The following CELF2 variants were observed in gnomAD, a reference collection of about 807,000 sequenced individuals.
The protein encoded by CELF2 is CUG triplet repeat RNA-binding protein 2.
In CELF2, 8 loss-of-function variants were observed where a neutral mutation model predicts 62.6. The observed-to-expected ratio is 0.13, with a 90% CI of 0.07 to 0.23. The LOEUF (loss-of-function observed/expected upper bound fraction) is 0.23. Among genes scored for constraint, CELF2 ranks in the 10% least tolerant of loss-of-function variants. The probability of loss-of-function intolerance (pLI) is 1.00; values close to 1 mark genes in which losing one functional copy is unlikely to be tolerated. For synonymous variants in CELF2, 258 were observed against 250.0 expected (o/e 1.03, Z -0.30); for missense variants, 333 against 671.0 (o/e 0.50, Z 5.56).
chr10:10,826,750 T>C (rs1167831692), intron 1 of CELF2, among the ~76,000 whole-genome samples: 1 of 152,230 alleles, frequency 6.6e-6, no homozygotes, highest in Admixed American at 6.5e-5. Context: ...CCTTCAAAGA[T>C]AAAGAATGCT....
chr10:11,178,227 C>G lies in CELF2; in HGVS notation c.271+12545C>G, dbSNP rs1318846155. ...CAACCGGGCTGCTGAGTGTGATGCT[C>G]CCTTTGTGAAGTGGACATCTGTCTA... On this transcript the variant is annotated intron_variant, in intron 2 of 12. Coordinates refer to ENST00000633077, the MANE Select transcript of CELF2 (RefSeq NM_001326342.2). This position sits in a 1 kb window ranked among gnomAD's most constrained non-coding sequence, Gnocchi z 4.3. Among the ~76,000 whole-genome samples, 1 of 152,216 alleles carries G rather than the reference C, an allele frequency of 6.6e-6. No homozygotes were observed. The highest frequency in any genetic ancestry group is 1.5e-5 in the Non-Finnish European group (1 of 68,036).
rs1023383329 is a variant in CELF2, at chr10:11,268,883, CAATT to C, written c.619-1778_619-1775del. 7.9e-5 allele frequency among the ~76,000 whole-genome samples: 12 copies of C among 152,230 alleles called. No homozygotes were observed. The highest frequency in any genetic ancestry group is 2.2e-4 in the African/African-American group (9 of 41,558). On this transcript the variant is annotated intron_variant, in intron 6 of 12. Coordinates refer to ENST00000633077, the MANE Select transcript of CELF2 (RefSeq NM_001326342.2). The surrounding 1 kb of genome is among the most constrained non-coding windows in gnomAD (Gnocchi z 4.7). The stretch of plus-strand genomic sequence containing the variant: ...TGTTGAAAGAACAAGGTCTTAAAAA[CAATT>C]AATTTTATATCGTGCCTTCTGTTTC...
intron 1 of CELF2, among the ~76,000 whole-genome samples, chr10:11,040,978 T>C (rs1022734768): frequency 6.6e-6 from 1 of 152,206 alleles, no homozygotes; most frequent in Non-Finnish European, 1.5e-5. Context: ...CTAAATGCCA[T>C]AGACTGGACG....
upstream of CELF2, among the ~76,000 whole-genome samples, chr10:11,002,619 C>T (rs1564341807): frequency 6.6e-6 from 1 of 152,176 alleles, no homozygotes; most frequent in Non-Finnish European, 1.5e-5. This position sits in a 1 kb window ranked among gnomAD's most constrained non-coding sequence, Gnocchi z 4.4. Flanking sequence ...CCACTTCCTA[C>T]ACTTGAATTT....
intron 1 of CELF2, among the ~76,000 whole-genome samples, chr10:10,898,466 T>G (rs2062715349): frequency 2.0e-5 from 3 of 152,150 alleles, no homozygotes; most frequent in Admixed American, 2.0e-4. Context: ...TAAGCTGGAG[T>G]GGCTCTATTA....
chr10:10,866,432 C>T (rs2060367540), intron 1 of CELF2, among the ~76,000 whole-genome samples: 1 of 151,458 alleles, frequency 6.6e-6, no homozygotes, highest in South Asian at 2.1e-4. Flanking sequence ...ATGGTAAAAC[C>T]CATCTCTATT....
chr10:10,686,312 G>GC, the CELF2 span, among the ~76,000 whole-genome samples: 1 of 43,826 alleles, frequency 2.3e-5, no homozygotes, highest in Non-Finnish European at 4.2e-5. Context: ...GGATTTTTTG[G>GC]GGGGGGGGGT....
At chr10:10,649,420 G>A in the CELF2 span, among the ~76,000 whole-genome samples, 1 of 152,158 alleles carries the variant, frequency 6.6e-6, no homozygotes, top group Non-Finnish European at 1.5e-5. Flanking sequence ...CAGTATTACA[G>A]TACTCAAGTT....
At chr10:11,182,476 A>G (rs890905233) in intron 2 of CELF2, among the ~76,000 whole-genome samples, 2 of 152,218 alleles carry the variant, frequency 1.3e-5, no homozygotes, top group Non-Finnish European at 2.9e-5. Flanking sequence ...TTGTGATCCT[A>G]GAGCTTCCCT....
the CELF2 span, among the ~76,000 whole-genome samples, chr10:10,571,979 A>G: frequency 6.6e-6 from 1 of 152,132 alleles, no homozygotes; most frequent in Non-Finnish European, 1.5e-5. Context: ...AGGGAGGCAG[A>G]ACAGTCTGAT....
chr10:11,163,626 AT>A (rs2066251217), intron 1 of CELF2, among the ~76,000 whole-genome samples: 1 of 152,232 alleles, frequency 6.6e-6, no homozygotes, highest in Admixed American at 6.5e-5. Context: ...TCAGCAGAAC[AT>A]TTTTTATAAC....
At chr10:10,933,553 G>T (rs1263744141) in intron 2 of CELF2, among the ~76,000 whole-genome samples, 1 of 151,938 alleles carries the variant, frequency 6.6e-6, no homozygotes, top group Non-Finnish European at 1.5e-5. Flanking sequence ...AGTATCCAAC[G>T]GTAACTTTAT....
At chr10:10,908,848 C>T (rs1211657259) in intron 1 of CELF2, among the ~76,000 whole-genome samples, 1 of 152,162 alleles carries the variant, frequency 6.6e-6, no homozygotes, top group African/African-American at 2.4e-5. Context: ...AGTGCAGTGG[C>T]GCCATCTCGG....
At chr10:10,943,857 C>T (rs2047340206) in intron 2 of CELF2, among the ~76,000 whole-genome samples, 1 of 151,702 alleles carries the variant, frequency 6.6e-6, no homozygotes, top group Admixed American at 6.6e-5. Flanking sequence ...TTGCCTCAGC[C>T]TCCCTAAGTG....
rs977836331 is a variant in CELF2 at position 10,995,832 on chromosome 10, C to A, written c.89+75833C>A. Among the ~76,000 whole-genome samples the A allele has an allele frequency of 3.9e-5, 6 of 152,138 alleles. No homozygotes were observed. The highest frequency in any genetic ancestry group is 1.4e-4 in the African/African-American group (6 of 41,432). On this transcript the variant is annotated intron_variant, in intron 2 of 13. Transcript: ENST00000636488. The surrounding 1 kb of genome is among the most constrained non-coding windows in gnomAD (Gnocchi z 4.7). ...TTGGGAAAGTGTTGTTCAACAGATTCTCGTCTCTCTGACAATGTAAACTCA... is the reference window on the plus strand; with the variant it reads ...TTGGGAAAGTGTTGTTCAACAGATTATCGTCTCTCTGACAATGTAAACTCA...
intron 2 of CELF2, among the ~76,000 whole-genome samples, chr10:10,971,707 C>T (rs1277444326): frequency 6.6e-6 from 1 of 152,198 alleles, no homozygotes. Context: ...GTGCCTCAGC[C>T]TCCCAAGTAG....
chr10:11,025,239 GTA>G lies in CELF2; in HGVS notation c.74+7080_74+7081del, dbSNP rs71378775. On this transcript the variant is annotated intron_variant, in intron 1 of 12. Coordinates refer to ENST00000633077, the MANE Select transcript of CELF2 (RefSeq NM_001326342.2). The stretch of plus-strand genomic sequence containing the variant: ...TGTGTGTGTGTGTGTGTGTGTGTGT[GTA>G]TATGTATGTGACTGTATATCTGGAA... 2.4e-3 allele frequency among the ~76,000 whole-genome samples: 338 copies of G among 141,076 alleles called. 3 individuals carry two copies. Among genetic ancestry groups the G allele is most frequent in the African/African-American group, 8.4e-3 (329 of 39,132 alleles). 92.6% of individuals were successfully genotyped at this position (141,076 alleles called of 152,430 possible).
the CELF2 span, among the ~76,000 whole-genome samples, chr10:10,680,011 G>A: frequency 6.6e-6 from 1 of 152,006 alleles, no homozygotes; most frequent in Non-Finnish European, 1.5e-5. Context: ...ATATTTACGG[G>A]TTAAAGAATA....
chr10:11,069,860 A>G (rs990090434), intron 1 of CELF2, among the ~76,000 whole-genome samples: 1 of 152,270 alleles, frequency 6.6e-6, no homozygotes. Flanking sequence ...AAGAACCAGA[A>G]GTAATGATGA....
Sources: gnomAD v4.1 joint callset for allele counts (sites outside exome capture counted in the v4.1 genomes callset) on GRCh38, gnomAD v4.1.1 for gene constraint, Gnocchi (gnomAD v3.1) non-coding constraint, MANE v1.5 for transcripts, NCBI Gene and HGNC (gene_info 2026-07-23, HGNC 2026-07-21) for gene names.